Variants in BRD7 observed in about 807,000 individuals in gnomAD.
BRD7 encodes the protein bromodomain-containing protein 7.
Under a neutral mutation model 82.1 loss-of-function variants are expected in BRD7, and 15 were observed. That is an observed-to-expected ratio of 0.18 (90% CI 0.12 to 0.28). BRD7 has a LOEUF of 0.28. Ranked by LOEUF, BRD7 falls within the 10% of genes least tolerant of loss-of-function variation. The pLI, the probability that BRD7 is intolerant of heterozygous loss-of-function variation, is 1.00. For missense variants in BRD7, 638 were observed against 779.9 expected, an observed-to-expected ratio of 0.82 and a Z score of 2.17; for synonymous variants, 232 against 266.9, an observed-to-expected ratio of 0.87 and a Z score of 1.27.
chr16:50,361,783 G>C (rs946855968), intron 2 of BRD7: 1 of 152,104 alleles, frequency 6.6e-6, no homozygotes, highest in African/African-American at 2.4e-5. Context: ...TGTTTAAAAA[G>C]AGACTTACTT....
chr16:50,340,658 A>C (rs1485608192), intron 5 of BRD7, among the ~76,000 whole-genome samples: 1 of 152,196 alleles, frequency 6.6e-6, no homozygotes, highest in Non-Finnish European at 1.5e-5. Context: ...CATAAACTAA[A>C]CATAATTTGC....
intron 10 of BRD7, 64 bp downstream of exon 10, chr16:50,326,220 G>T: frequency 2.3e-6 from 3 of 1,326,418 alleles, no homozygotes; most frequent in Non-Finnish European, 3.2e-6. Context: ...GCATAATCGT[G>T]CTTCCTTTCC....
intron 5 of BRD7, among the ~76,000 whole-genome samples, chr16:50,343,290 T>G (rs1426027145): frequency 2.0e-5 from 3 of 152,202 alleles, no homozygotes; most frequent in East Asian, 1.9e-4. Context: ...GCTGTTCTTG[T>G]GATAATGAGT....
intron 4 of BRD7, 105 bp from the exon 5 acceptor site, chr16:50,350,272 T>G (rs908710125): frequency 2.0e-5 from 15 of 758,930 alleles, no homozygotes; most frequent in Middle Eastern, 2.5e-4. Context: ...CAGAAAGAAT[T>G]TGTAATATGT....
At position 50,319,019 on chromosome 16, in the gene BRD7, A is replaced by G. The variant is rs2151125531; in HGVS notation, c.*192T>C. 1.7e-6 allele frequency: 1 copy of G among 581,400 alleles called. No individual in the cohort carries two copies. The highest frequency in any genetic ancestry group is 3.0e-5 in the East Asian group (1 of 33,280). The allele number at this position is 581,400 out of a possible 1,614,324, so 36.0% of individuals were successfully genotyped here. On this transcript the variant is annotated 3_prime_UTR_variant, in exon 17 of 17. Coordinates refer to ENST00000394688, the MANE Select transcript of BRD7 (RefSeq NM_013263.5). ...CACAGGTATGGCAACAGCCCCAAGC[A>G]CATTCCTTCCTCACGAGTCCCAGGT...
Position 50,334,985 on chromosome 16 carries a change from C to T in BRD7, c.703-90G>A, listed in dbSNP as rs1033282512. ...TTCCCCACAGGAGTTTATACTTATC[C>T]TGTCATTAACCAGGGAAGAAAAACA... On this transcript the variant is annotated intron_variant, in intron 6 of 16. Transcript: ENST00000394688. The T allele has an allele frequency of 2.8e-5, 35 of 1,264,200 alleles. No individual in the cohort carries two copies. The Admixed American group carries it at 3.1e-4, about 11-fold the overall frequency. 78.3% of individuals were successfully genotyped at this position (1,264,200 alleles called of 1,614,324 possible).
intron 5 of BRD7, among the ~76,000 whole-genome samples, chr16:50,341,967 C>CACACACA (rs571195473): frequency 6.7e-6 from 1 of 149,088 alleles, no homozygotes; most frequent in African/African-American, 2.5e-5. Context: ...CACACACACA[C>CACACACA]ATTTTACTTC....
rs574736952 is a variant in BRD7 at position 50,335,496 on chromosome 16, G to A, written c.703-601C>T. ...TGAAACATGTGCTTAATTTTTCGCT[G>A]CAATGATGTGCTGTGAAATTTTCAT... On this transcript the variant is annotated intron_variant, in intron 6 of 16. Coordinates refer to ENST00000394688, the MANE Select transcript of BRD7 (RefSeq NM_013263.5). 1.1e-4 allele frequency among the ~76,000 whole-genome samples: 16 copies of A among 152,312 alleles called. No individual in the cohort carries two copies. In the East Asian group the frequency reaches 3.1e-3, roughly 29 times the overall value.
At chr16:50,349,833 T>A (rs2038447040) in intron 5 of BRD7, among the ~76,000 whole-genome samples, 190 bp downstream of exon 5, 3 of 152,190 alleles carry the variant, frequency 2.0e-5, no homozygotes, top group African/African-American at 7.2e-5. Context: ...ATGAAAGATA[T>A]CAGAGGACCT....
intron 11 of BRD7, among the ~76,000 whole-genome samples, chr16:50,324,511 G>GGCCAT (rs1180010497): frequency 6.6e-6 from 1 of 152,106 alleles, no homozygotes; most frequent in African/African-American, 2.4e-5. Flanking sequence ...CGCCCTCCCT[G>GGCCAT]GCCATGTGCC....
chr16:50,345,579 C>A (rs1431062975), intron 5 of BRD7, among the ~76,000 whole-genome samples: 5 of 151,284 alleles, frequency 3.3e-5, no homozygotes, highest in South Asian at 2.1e-4. Context: ...GGAAGATCTA[C>A]CAAGCAAATG....
intron 5 of BRD7, among the ~76,000 whole-genome samples, chr16:50,341,177 T>TAC (rs57755008): frequency 0.24 from 32,757 of 136,414 alleles, 4,067 homozygotes; most frequent in East Asian, 0.33. Flanking sequence ...AGACCTTAAG[T>TAC]ACACACACAC....
chr16:50,333,393 C>A (rs544654229), intron 8 of BRD7, among the ~76,000 whole-genome samples, 181 bp downstream of exon 8: 1 of 152,132 alleles, frequency 6.6e-6, no homozygotes, highest in African/African-American at 2.4e-5. Context: ...GCATTTAACA[C>A]CCTGATAAAC....
At chr16:50,354,344 A>G (rs1296768869) in intron 4 of BRD7, 81 bp downstream of exon 4, 6 of 1,178,062 alleles carry the variant, frequency 5.1e-6, no homozygotes, top group African/African-American at 1.6e-5. Flanking sequence ...GTATGTTTGG[A>G]GTTAGGCACA....
intron 6 of BRD7, among the ~76,000 whole-genome samples, chr16:50,338,693 T>C (rs1463495976): frequency 6.6e-6 from 1 of 152,176 alleles, no homozygotes; most frequent in Non-Finnish European, 1.5e-5. Flanking sequence ...ACCTCTTATC[T>C]AGAATCAGAA....
rs62029967 is a variant in BRD7, at chr16:50,343,510, A to C, written c.592-3424T>G. 6.3e-3 allele frequency among the ~76,000 whole-genome samples: 963 copies of C among 152,244 alleles called. 6 individuals carry two copies. The highest frequency in any genetic ancestry group is 8.6e-3 in the Non-Finnish European group (584 of 68,016). On this transcript the variant is annotated intron_variant, in intron 5 of 16. Transcript: ENST00000394688. Reference sequence around the variant, plus strand: ...GTGAGCCGAAGCAGGGCAGGGAATCACCTCACTCAGGAAGCACAAGGGGTT... The same window carrying C: ...GTGAGCCGAAGCAGGGCAGGGAATCCCCTCACTCAGGAAGCACAAGGGGTT...
rs2036859128 is a variant in BRD7 at position 50,317,515 on chromosome 16, TAAC to T, written c.*1693_*1695del. On this transcript the variant is annotated 3_prime_UTR_variant, in exon 17 of 17. Transcript: ENST00000394688. ...TTGGAATATTTGTTTTTTTCTTCAG[TAAC>T]AACAGAAACCCCAGTTGGGAGTTTA... 1.3e-5 allele frequency: 2 copies of T among 152,366 alleles called. No homozygotes were observed. The highest frequency in any genetic ancestry group is 2.4e-5 in the African/African-American group (1 of 41,458). The allele number at this position is 152,366 out of a possible 1,614,324, so 9.4% of individuals were successfully genotyped here.
At chr16:50,339,186 G>C (rs2037942577) in intron 6 of BRD7, among the ~76,000 whole-genome samples, 1 of 152,232 alleles carries the variant, frequency 6.6e-6, no homozygotes. Context: ...ACCCTTTAAG[G>C]AAGAGTCTGC....
At chr16:50,356,460 AATTGT>A (rs1221155077) in intron 2 of BRD7, among the ~76,000 whole-genome samples, 2 of 152,238 alleles carry the variant, frequency 1.3e-5, no homozygotes, top group Non-Finnish European at 2.9e-5. Context: ...AATGAGCTAA[AATTGT>A]ATTGTATCAA....
Sources: allele counts gnomAD v4.1 joint callset (sites outside exome capture counted in the v4.1 genomes callset), GRCh38; gene constraint gnomAD v4.1.1; transcripts MANE v1.5; gene names NCBI Gene and HGNC (gene_info 2026-07-23, HGNC 2026-07-21).